CCDC158: variants seen among roughly 807,000 people sequenced by gnomAD.
The protein encoded by CCDC158 is coiled-coil domain containing 158, also known as coiled-coil domain-containing protein 158.
CCDC158 carries 116 observed loss-of-function variants against 138.6 expected under a neutral mutation model. The ratio of observed to expected loss-of-function variants is 0.84; its 90% CI spans 0.72 to 0.98. The LOEUF (loss-of-function observed/expected upper bound fraction) is 0.98, where lower values mean the gene tolerates loss of function less well. CCDC158 is among the 50% of genes least tolerant of loss of function. The pLI, the probability that CCDC158 is intolerant of heterozygous loss-of-function variation, is 0.00. For missense variants in CCDC158, 1,265 were observed against 1,306.1 expected (o/e 0.97, Z 0.48); for synonymous variants, 436 against 442.4 (o/e 0.99, Z 0.18).
At chr4:76,376,990 C>G (rs1725779662) in intron 9 of CCDC158, among the ~76,000 whole-genome samples, 1 of 152,150 alleles carries the variant, frequency 6.6e-6, no homozygotes, top group South Asian at 2.1e-4. Context: ...TATATGACCC[C>G]AAAACATTCA....
intron 18 of CCDC158, chr4:76,345,003 A>T: frequency 8.5e-6 from 12 of 1,415,708 alleles, no homozygotes; most frequent in Non-Finnish European, 1.2e-5. Context: ...GACTTCTTTG[A>T]GCAAGAGAAG....
intron 11 of CCDC158, among the ~76,000 whole-genome samples, chr4:76,368,136 T>A (rs1272204475): frequency 6.6e-6 from 1 of 152,166 alleles, no homozygotes; most frequent in Non-Finnish European, 1.5e-5. Flanking sequence ...AGGGCTTAAT[T>A]AAATAATAAC....
In CCDC158 at chr4:76,334,044, C is replaced by T; in HGVS notation, c.2788G>A (p.Gly930Arg). Residue 930 changes from glycine (G) to arginine (R), a missense_variant, in exon 19 of 25, where the codon GGA (glycine) becomes AGA (arginine). Physicochemically the swap from Gly to Arg is moderately radical, Grantham distance 125. Transcript: ENST00000682701. Reference protein sequence around the residue: ...AVSLSKTEEDGRTSLGALYVA... With the variant: ...AVSLSKTEEDRRTSLGALYVA... The stretch of plus-strand genomic sequence containing the variant: ...TACAAGGCTCCCAGAGATGTTCTTC[C>T]ATCTTCCTCTGTCTTGCTCAGAGAC... 1 of 1,613,046 alleles carries T rather than the reference C, an allele frequency of 6.2e-7. No homozygotes were observed. Among genetic ancestry groups the T allele is most frequent in the South Asian group, 1.1e-5 (1 of 90,926 alleles).
At chr4:76,390,515 C>T (rs184759949) in intron 4 of CCDC158, among the ~76,000 whole-genome samples, 76 of 151,452 alleles carry the variant, frequency 5.0e-4, no homozygotes, top group Non-Finnish European at 9.4e-4. Flanking sequence ...AAGCATACCA[C>T]CAGAGAAAAA....
chr4:76,405,764 G>C lies in CCDC158; in HGVS notation c.-73-2484C>G, dbSNP rs188220456. On this transcript the variant is annotated intron_variant, in intron 2 of 24. Transcript: ENST00000682701. ...GGACACCACTTAAAACTGAGAAAAA[G>C]TAAAAGGTCAAGTAAGAAAAAGCAG... is the stretch of plus-strand genomic sequence containing the variant. Among the ~76,000 whole-genome samples, 423 of 152,198 alleles carry C rather than the reference G, an allele frequency of 2.8e-3. 3 individuals are homozygous for C. The highest frequency in any genetic ancestry group is 9.2e-3 in the African/African-American group (384 of 41,564).
intron 7 of CCDC158, among the ~76,000 whole-genome samples, 178 bp from the exon 8 acceptor site, chr4:76,382,898 T>C (rs1395536070): frequency 2.6e-5 from 4 of 152,216 alleles, no homozygotes; most frequent in African/African-American, 9.7e-5. Context: ...TCCAAATCTT[T>C]TGGGAGTCAG....
intron 18 of CCDC158, among the ~76,000 whole-genome samples, chr4:76,350,636 AC>A (rs1358596306): frequency 6.6e-6 from 1 of 152,228 alleles, no homozygotes; most frequent in African/African-American, 2.4e-5. Context: ...AAATAAGTTA[AC>A]AAAGAAACCA....
chr4:76,374,592 A>G (rs1252997227), intron 9 of CCDC158, among the ~76,000 whole-genome samples: 1 of 152,246 alleles, frequency 6.6e-6, no homozygotes, highest in Non-Finnish European at 1.5e-5. Context: ...CCACAAGAAC[A>G]GTATTAATAA....
intron 11 of CCDC158, among the ~76,000 whole-genome samples, chr4:76,368,010 G>C (rs561422950): frequency 2.6e-5 from 4 of 151,782 alleles, no homozygotes; most frequent in Non-Finnish European, 5.9e-5. Flanking sequence ...GGATTTCAGG[G>C]ATGAGCCACT....
rs539527542 is a variant in CCDC158, at chr4:76,325,206, T to C, written c.3169+651A>G. On this transcript the variant is annotated intron_variant, in intron 23 of 24. Coordinates refer to ENST00000682701, the MANE Select transcript of CCDC158 (RefSeq NM_001394954.1). ...TTAGGATCTAGAAATGTGTAAGCTA[T>C]AGAATTTCAAAAGACTAAGAAATAA... Among the ~76,000 whole-genome samples the C allele has an allele frequency of 1.5e-4, 23 of 152,342 alleles. No individual in the cohort carries two copies. The East Asian group carries it at 3.7e-3, about 24-fold the overall frequency.
At chr4:76,333,927 C>T (rs1335724564) in intron 19 of CCDC158, 83 bp downstream of exon 19, 4 of 1,002,106 alleles carry the variant, frequency 4.0e-6, no homozygotes, top group Non-Finnish European at 5.6e-6. Flanking sequence ...AAACCTCACC[C>T]TCCCAGAGAG....
In CCDC158 at chr4:76,396,771, G is replaced by A. The variant is rs186414735; in HGVS notation, c.71-285C>T. Reference sequence around the variant, plus strand: ...TACTCCTGACCTCCTGACCTCAGGTGAGCTGCCCACCTCGGCCTCCCAAAG... The same window carrying A: ...TACTCCTGACCTCCTGACCTCAGGTAAGCTGCCCACCTCGGCCTCCCAAAG... On this transcript the variant is annotated intron_variant, in intron 3 of 24. Transcript: ENST00000682701. 1.6e-3 allele frequency among the ~76,000 whole-genome samples: 240 copies of A among 152,190 alleles called. 2 individuals are homozygous for A. The highest frequency in any genetic ancestry group is 5.5e-3 in the African/African-American group (227 of 41,524).
intron 2 of CCDC158, 28 bp from the exon 3 acceptor site, chr4:76,403,308 T>C (rs2109868193): frequency 1.4e-6 from 1 of 737,108 alleles, no homozygotes; most frequent in Middle Eastern, 2.8e-4. Context: ...TCAATCTTTA[T>C]TAACAAGGTA....
At chr4:76,318,083 G>A (rs901232710) in intron 24 of CCDC158, among the ~76,000 whole-genome samples, 6 of 151,900 alleles carry the variant, frequency 3.9e-5, no homozygotes, top group African/African-American at 1.5e-4. Flanking sequence ...GACACTCTAA[G>A]GTCACACCTC....
chr4:76,375,780 AT>A (rs1199757511), intron 9 of CCDC158: 4 of 569,542 alleles, frequency 7.0e-6, no homozygotes, highest in African/African-American at 1.9e-5. Flanking sequence ...TACATCTCAC[AT>A]TTTTTTGAAG....
chr4:76,421,288 C>T (rs1230839374), upstream of CCDC158, among the ~76,000 whole-genome samples: 1 of 152,030 alleles, frequency 6.6e-6, no homozygotes, highest in East Asian at 1.9e-4. Context: ...CCGGCGGGGA[C>T]CCCTCCCGCG....
intron 2 of CCDC158, among the ~76,000 whole-genome samples, chr4:76,411,180 T>A (rs959563184): frequency 6.6e-6 from 1 of 152,114 alleles, no homozygotes; most frequent in East Asian, 1.9e-4. Flanking sequence ...GGTGGGCGGA[T>A]CACTTGAGCC....
At chr4:76,406,922 A>C (rs1363808828) in intron 2 of CCDC158, among the ~76,000 whole-genome samples, 2 of 152,136 alleles carry the variant, frequency 1.3e-5, no homozygotes, top group Admixed American at 1.3e-4. Flanking sequence ...AAAACATAGA[A>C]AAATGGGTGA....
At chr4:76,389,135 T>C (rs1727085866) in intron 4 of CCDC158, among the ~76,000 whole-genome samples, 1 of 152,000 alleles carries the variant, frequency 6.6e-6, no homozygotes, top group South Asian at 2.1e-4. Context: ...GGACCAATTA[T>C]GAAAAAACAG....
Sources: allele counts gnomAD v4.1 joint callset (sites outside exome capture counted in the v4.1 genomes callset), GRCh38; gene constraint gnomAD v4.1.1; transcripts MANE v1.5; gene names NCBI Gene and HGNC (gene_info 2026-07-23, HGNC 2026-07-21).